ROBO2: variants seen among roughly 807,000 people sequenced by gnomAD.
ROBO2 encodes roundabout guidance receptor 2.
A neutral mutation model predicts 160.8 loss-of-function variants in ROBO2; 53 were observed. The ratio of observed to expected loss-of-function variants is 0.33; its 90% CI spans 0.26 to 0.41. The LOEUF (loss-of-function observed/expected upper bound fraction) is 0.41, where lower values mean the gene tolerates loss of function less well. Ranked by LOEUF, ROBO2 falls within the 10% of genes least tolerant of loss-of-function variation. The pLI, the probability that ROBO2 is intolerant of heterozygous loss-of-function variation, is 1.00. For missense variants in ROBO2, 1,577 were observed against 1,722.4 expected, an observed-to-expected ratio of 0.92 and a Z score of 1.49; for synonymous variants, 664 against 611.7, an observed-to-expected ratio of 1.09 and a Z score of -1.26.
At chr3:76,379,688 T>C (rs987472043) in intron 2 of ROBO2, among the ~76,000 whole-genome samples, 3 of 152,214 alleles carry the variant, frequency 2.0e-5, no homozygotes, top group African/African-American at 7.2e-5. Flanking sequence ...AGTAGTTTTT[T>C]TAAACGTGAA....
chr3:76,366,604 C>T (rs997931875), intron 2 of ROBO2, among the ~76,000 whole-genome samples: 2 of 151,934 alleles, frequency 1.3e-5, no homozygotes, highest in Non-Finnish European at 2.9e-5. Context: ...AAATTGCTTA[C>T]ATAAGATTAA....
rs370668530 is a variant in ROBO2 at position 76,409,785 on chromosome 3, C to CA, written c.109+472190dup. Among the ~76,000 whole-genome samples the CA allele has an allele frequency of 3.9e-5, 6 of 151,932 alleles. No individual in the cohort carries two copies. In the East Asian group the frequency reaches 5.8e-4, roughly 15 times the overall value. Reference sequence around the variant, plus strand: ...TATCAAAACCTAAGCATAATAACAACAAAAAAATTGGCACAGTGTTCAGAT... The same window carrying CA: ...TATCAAAACCTAAGCATAATAACAACAAAAAAAATTGGCACAGTGTTCAGAT... On this transcript the variant is annotated intron_variant, in intron 2 of 26. Coordinates refer to the ROBO2 transcript ENST00000487694.
intron 2 of ROBO2, among the ~76,000 whole-genome samples, chr3:77,457,510 C>T (rs942787112): frequency 1.3e-5 from 2 of 152,078 alleles, no homozygotes; most frequent in Non-Finnish European, 2.9e-5. Context: ...TATATAAATA[C>T]AAGTTAAATG....
chr3:76,381,107 G>T (rs1331654022), intron 2 of ROBO2, among the ~76,000 whole-genome samples: 1 of 150,948 alleles, frequency 6.6e-6, no homozygotes, highest in African/African-American at 2.4e-5. Context: ...AACAGACACA[G>T]ATAGATAGCA....
chr3:77,324,517 C>A (rs1159184071), intron 2 of ROBO2, among the ~76,000 whole-genome samples: 2 of 152,112 alleles, frequency 1.3e-5, no homozygotes, highest in African/African-American at 2.4e-5. Context: ...CCGTGGCTCA[C>A]GCCTGTAATC....
intron 2 of ROBO2, among the ~76,000 whole-genome samples, chr3:76,596,194 G>A (rs1402958574): frequency 6.6e-6 from 1 of 152,142 alleles, no homozygotes; most frequent in Admixed American, 6.5e-5. Flanking sequence ...CATTGATTTT[G>A]AATTGCTCTC....
At chr3:76,342,601 A>G (rs927663651) in intron 2 of ROBO2, among the ~76,000 whole-genome samples, 6 of 152,162 alleles carry the variant, frequency 3.9e-5, no homozygotes, top group African/African-American at 7.2e-5. Flanking sequence ...TCTATCTTCC[A>G]AGGCTGTTCA....
chr3:77,569,662 C>T (rs1241800205), intron 13 of ROBO2, among the ~76,000 whole-genome samples: 1 of 151,706 alleles, frequency 6.6e-6, no homozygotes, highest in East Asian at 1.9e-4. Context: ...TTACTGTAAC[C>T]CTGTTATGTA....
At chr3:76,252,926 G>T (rs564864791) in intron 2 of ROBO2, among the ~76,000 whole-genome samples, 21 of 151,904 alleles carry the variant, frequency 1.4e-4, no homozygotes, top group Non-Finnish European at 2.2e-4. Flanking sequence ...TATTGAAGCA[G>T]AATTTTTCTT....
At chr3:77,613,567 T>C (rs1041450135) in intron 21 of ROBO2, among the ~76,000 whole-genome samples, 3 of 152,180 alleles carry the variant, frequency 2.0e-5, no homozygotes, top group Non-Finnish European at 4.4e-5. Flanking sequence ...TACGTATTTC[T>C]GTTTAACTTA....
intron 2 of ROBO2, among the ~76,000 whole-genome samples, chr3:76,935,423 G>C (rs1431408278): frequency 6.6e-6 from 1 of 152,122 alleles, no homozygotes; most frequent in East Asian, 1.9e-4. Flanking sequence ...CATGTTTTCT[G>C]TTCCTGGATC....
intron 2 of ROBO2, among the ~76,000 whole-genome samples, chr3:77,292,357 C>T (rs1179342210): frequency 8.1e-5 from 12 of 147,626 alleles, no homozygotes; most frequent in South Asian, 2.2e-4. Flanking sequence ...GTAAAATTGA[C>T]GGTTAAATGG....
Position 77,638,818 on chromosome 3 carries a change from C to CTTTTTTT in ROBO2, c.3934+3794_3934+3800dup, listed in dbSNP as rs34034420. ...CCAGCCTATTCTCCCTTTCACCTAG[C>CTTTTTTT]TTTTTTTTTTTTTTTTTTTTTTTTT... On this transcript the variant is annotated intron_variant, in intron 24 of 25. Transcript: ENST00000461745. 6.0e-4 allele frequency among the ~76,000 whole-genome samples: 31 copies of CTTTTTTT among 51,262 alleles called. 1 individual carries two copies. Among genetic ancestry groups the CTTTTTTT allele is most frequent in the South Asian group, 1.0e-3 (1 of 992 alleles). The allele number at this position is 51,262 out of a possible 152,430, so 33.6% of individuals were successfully genotyped here.
intron 2 of ROBO2, among the ~76,000 whole-genome samples, chr3:76,686,010 G>C (rs1182714505): frequency 6.6e-6 from 1 of 152,066 alleles, no homozygotes; most frequent in Admixed American, 6.6e-5. Flanking sequence ...GAGCGACGGT[G>C]AATCACCCTC....
At chr3:76,367,582 T>G (rs1444042101) in intron 2 of ROBO2, among the ~76,000 whole-genome samples, 3 of 151,966 alleles carry the variant, frequency 2.0e-5, no homozygotes, top group Non-Finnish European at 4.4e-5. Flanking sequence ...ATAAAACAAT[T>G]TGTTATTATA....
At chr3:77,337,569 G>T (rs2066615295) in intron 2 of ROBO2, among the ~76,000 whole-genome samples, 2 of 152,016 alleles carry the variant, frequency 1.3e-5, no homozygotes, top group Admixed American at 6.6e-5. Context: ...CATTTATTTT[G>T]ATATAAAATT....
intron 2 of ROBO2, among the ~76,000 whole-genome samples, chr3:76,369,760 A>T (rs928884164): frequency 2.0e-5 from 3 of 151,932 alleles, no homozygotes; most frequent in Non-Finnish European, 2.9e-5. Flanking sequence ...TGATATACAT[A>T]CTAAATATTT....
chr3:77,552,134 A>C (rs1161702045), intron 8 of ROBO2, among the ~76,000 whole-genome samples: 2 of 151,988 alleles, frequency 1.3e-5, no homozygotes, highest in African/African-American at 2.4e-5. Flanking sequence ...ATTTCTTTAA[A>C]AGAATAAAAG....
chr3:77,225,543 G>A (rs78823139), intron 2 of ROBO2, among the ~76,000 whole-genome samples: 7,599 of 151,608 alleles, frequency 0.05, 283 homozygotes, highest in African/African-American at 0.098. Context: ...ACCTGCAGCC[G>A]TGCATTATCA....
Sources: allele counts gnomAD v4.1 joint callset (sites outside exome capture counted in the v4.1 genomes callset), GRCh38; gene constraint gnomAD v4.1.1; transcripts MANE v1.5; gene names NCBI Gene and HGNC (gene_info 2026-07-23, HGNC 2026-07-21).